B3GAT1: variants seen among roughly 807,000 people sequenced by gnomAD.
The protein encoded by B3GAT1 is beta-1,3-glucuronyltransferase 1, also known as galactosylgalactosylxylosylprotein 3-beta-glucuronosyltransferase 1.
A neutral mutation model predicts 28.4 loss-of-function variants in B3GAT1; 11 were observed. The observed-to-expected ratio is 0.39, with a 90% CI of 0.24 to 0.64. The LOEUF (loss-of-function observed/expected upper bound fraction) is 0.64, where lower values mean the gene tolerates loss of function less well. Among genes scored for constraint, B3GAT1 ranks in the 30% least tolerant of loss-of-function variants. B3GAT1 has a pLI of 0.50. For missense variants in B3GAT1, 375 were observed against 491.0 expected, an observed-to-expected ratio of 0.76 and a Z score of 2.23; for synonymous variants, 255 against 223.1, an observed-to-expected ratio of 1.14 and a Z score of -1.27.
chr11:134,383,558 C>T, intron 3 of B3GAT1, 122 bp downstream of exon 3: 1 of 1,324,956 alleles, frequency 7.5e-7, no homozygotes, highest in African/African-American at 1.5e-5. Flanking sequence ...GCCTGCCCCG[C>T]TCCCAGCCCG....
chr11:134,390,093 C>CGAGA (rs367553855), intron 1 of B3GAT1: 35,061 of 152,072 alleles, frequency 0.23, 4,595 homozygotes, highest in African/African-American at 0.36. Context: ...CGTAGTTCCC[C>CGAGA]TAGTGGACAT....
chr11:134,401,584 A>G (rs576107068), intron 1 of B3GAT1, among the ~76,000 whole-genome samples: 188 of 151,860 alleles, frequency 1.2e-3, no homozygotes, highest in African/African-American at 4.1e-3. Context: ...AGAGGGAGGA[A>G]GAAGGGAGGG....
chr11:134,408,219 C>T (rs1187146038), intron 1 of B3GAT1, among the ~76,000 whole-genome samples: 13 of 140,188 alleles, frequency 9.3e-5, no homozygotes, highest in East Asian at 4.3e-4. Context: ...GGAGGTGGGA[C>T]AGCCTGCACC....
Position 134,387,689 on chromosome 11 carries a change from C to T in B3GAT1, c.-30G>A. 6.2e-7 allele frequency: 1 copy of T among 1,613,342 alleles called. No individual in the cohort carries two copies. Among genetic ancestry groups the T allele is most frequent in the Non-Finnish European group, 8.5e-7 (1 of 1,179,780 alleles). On this transcript the variant is annotated 5_prime_UTR_variant, in exon 2 of 6. An upstream start codon of the reference 5' UTR is lost. Coordinates refer to ENST00000312527, the MANE Select transcript of B3GAT1 (RefSeq NM_054025.3). Reference sequence around the variant, plus strand: ...AAGGCTGGCTGCACCCACGGCTCCTCATTACCTGAGTGGCGGTAAGTTCAG... The same window carrying T: ...AAGGCTGGCTGCACCCACGGCTCCTTATTACCTGAGTGGCGGTAAGTTCAG...
intron 2 of B3GAT1, chr11:134,387,334 T>C: frequency 1.6e-6 from 1 of 624,786 alleles, no homozygotes; most frequent in Non-Finnish European, 2.7e-6. Flanking sequence ...TCTTGGTGTC[T>C]GCCAACCTAC....
chr11:134,404,566 C>T (rs1944691180), intron 1 of B3GAT1, among the ~76,000 whole-genome samples: 1 of 152,226 alleles, frequency 6.6e-6, no homozygotes. Context: ...GCATTCACGG[C>T]TGGGTTGGGT....
At chr11:134,407,501 G>A (rs1469390186) in intron 1 of B3GAT1, among the ~76,000 whole-genome samples, 4 of 152,246 alleles carry the variant, frequency 2.6e-5, no homozygotes, top group South Asian at 2.1e-4. Context: ...AGACTGAGCC[G>A]TGGAATCCAC....
At chr11:134,402,064 G>A (rs1306551291) in intron 1 of B3GAT1, among the ~76,000 whole-genome samples, 4 of 151,946 alleles carry the variant, frequency 2.6e-5, no homozygotes, top group Non-Finnish European at 4.4e-5. Flanking sequence ...CTTGGAGGAC[G>A]TGCCCCTGCA....
intron 5 of B3GAT1, among the ~76,000 whole-genome samples, chr11:134,381,102 G>A (rs927839003): frequency 6.6e-6 from 1 of 152,186 alleles, no homozygotes; most frequent in African/African-American, 2.4e-5. Flanking sequence ...TAGGGAGTCA[G>A]GAGTACCAGC....
chr11:134,409,416 G>A (rs1944807677), intron 1 of B3GAT1, among the ~76,000 whole-genome samples: 1 of 152,190 alleles, frequency 6.6e-6, no homozygotes, highest in Non-Finnish European at 1.5e-5. Context: ...GACCAGGAGG[G>A]CTGGGGCAGG....
chr11:134,404,656 C>A (rs78033321), intron 1 of B3GAT1, among the ~76,000 whole-genome samples: 6,573 of 152,226 alleles, frequency 0.043, 154 homozygotes, highest in East Asian at 0.064. Flanking sequence ...GGAGGCCCCC[C>A]TCCAAGGCTC....
At chr11:134,389,892 G>A (rs1170119480) in intron 1 of B3GAT1, 1 of 152,210 alleles carries the variant, frequency 6.6e-6, no homozygotes, top group Non-Finnish European at 1.5e-5. Flanking sequence ...ACCAGGATTT[G>A]TCTTCCATTA....
At chr11:134,408,278 G>C (rs866213932) in intron 1 of B3GAT1, among the ~76,000 whole-genome samples, 154 of 99,084 alleles carry the variant, frequency 1.6e-3, no homozygotes, top group African/African-American at 7.8e-3. Context: ...ACCGATTCCA[G>C]TGGGGTGAGG....
At position 134,412,118 on chromosome 11, in the gene B3GAT1, A is replaced by AGGGGGGAGGTGGAGCGGGGT. The variant is rs1292299792; in HGVS notation, c.-594_-593insACCCCGCTCCACCTCCCCCC. On this transcript the variant is annotated 5_prime_UTR_variant, in exon 1 of 6. Transcript: ENST00000312527. ...CGGGGGGCGGGGAGGGGGAGCGGGG[A>AGGGGGGAGGTGGAGCGGGGT]GGGGGAGCGGGGAGCGGGCGCGGGG... Among the ~76,000 whole-genome samples the AGGGGGGAGGTGGAGCGGGGT allele has an allele frequency of 1.7e-5, 1 of 57,476 alleles. No homozygotes were observed. Among genetic ancestry groups the AGGGGGGAGGTGGAGCGGGGT allele is most frequent in the Non-Finnish European group, 4.0e-5 (1 of 25,168 alleles). The allele number at this position is 57,476 out of a possible 152,430, so 37.7% of individuals were successfully genotyped here. A position where few individuals can be genotyped will look rare whatever the true frequency, so the allele number is the denominator to read the frequency against.
intron 2 of B3GAT1, chr11:134,385,112 G>C (rs545376084): frequency 2.6e-5 from 4 of 152,292 alleles, no homozygotes; most frequent in African/African-American, 9.6e-5. Flanking sequence ...CTGTAAAATG[G>C]AGCTAATAAT....
intron 1 of B3GAT1, among the ~76,000 whole-genome samples, chr11:134,395,355 G>C (rs1269068186): frequency 6.6e-6 from 1 of 152,182 alleles, no homozygotes; most frequent in East Asian, 1.9e-4. Context: ...TGGTGAGCCA[G>C]GCCCATGGAA....
At chr11:134,384,314 C>T in intron 2 of B3GAT1, 126 bp from the exon 3 acceptor site, 2 of 1,259,996 alleles carry the variant, frequency 1.6e-6, no homozygotes. Flanking sequence ...TGCTCAGACC[C>T]CCGCCTTGCC....
intron 1 of B3GAT1, among the ~76,000 whole-genome samples, chr11:134,405,397 G>T (rs1336751638): frequency 6.6e-6 from 1 of 152,208 alleles, no homozygotes; most frequent in African/African-American, 2.4e-5. Context: ...GCCTGGTGAG[G>T]TCCTGTGGTC....
chr11:134,401,304 T>C (rs1944609104), intron 1 of B3GAT1, among the ~76,000 whole-genome samples: 1 of 152,188 alleles, frequency 6.6e-6, no homozygotes, highest in Non-Finnish European at 1.5e-5. Context: ...GCACTATTCA[T>C]AACAGGGAAC....
Sources: allele counts gnomAD v4.1 joint callset (sites outside exome capture counted in the v4.1 genomes callset), GRCh38; gene constraint gnomAD v4.1.1; transcripts MANE v1.5; gene names NCBI Gene and HGNC (gene_info 2026-07-23, HGNC 2026-07-21).